Variants in GRIK5 observed in about 807,000 individuals in gnomAD.
GRIK5 encodes glutamate ionotropic receptor kainate type subunit 5.
A neutral mutation model predicts 97.4 loss-of-function variants in GRIK5; 43 were observed. The observed-to-expected ratio is 0.44, with a 90% CI of 0.35 to 0.57. The LOEUF is 0.57. Among genes scored for constraint, GRIK5 ranks in the 20% least tolerant of loss-of-function variants. The probability of loss-of-function intolerance (pLI) is 0.01; values close to 1 mark genes in which losing one functional copy is unlikely to be tolerated. For missense variants in GRIK5, 1,015 were observed against 1,382.0 expected (o/e 0.73, Z 4.21); for synonymous variants, 580 against 583.5 (o/e 0.99, Z 0.09).
chr19:42,059,456 C>A lies in GRIK5; in HGVS notation c.580G>T (p.Asp194Tyr), dbSNP rs1303043714. 4 of 1,613,968 alleles carry A rather than the reference C, an allele frequency of 2.5e-6. No homozygotes were observed. The highest frequency in any genetic ancestry group is 2.5e-6 in the Non-Finnish European group (3 of 1,179,966). The change falls in exon 6 of 20, where the codon GAC becomes TAC. Residue 194 changes from aspartate (D) to tyrosine (Y), a missense_variant. Around this residue, in one of 5 missense-constraint regions of GRIK5, gnomAD observed 477 missense variants for 701.1 expected, o/e 0.68. Coordinates refer to ENST00000593562, the MANE Select transcript of GRIK5 (RefSeq NM_002088.5). ...SKETLSVRML[D>Y]DSRDPTPLLK... ...AGTGGTGTGGGGTCCCGGCTGTCGT[C>A]CAACATCCTCACTGACAGCGTCTCC...
At chr19:42,025,386 G>A (rs2075758392) in intron 12 of GRIK5, among the ~76,000 whole-genome samples, 1 of 152,134 alleles carries the variant, frequency 6.6e-6, no homozygotes, top group Non-Finnish European at 1.5e-5. Context: ...CTCCATGGCT[G>A]GGGGTGTCTG....
rs765637560 is a variant in GRIK5, at chr19:42,042,539, A to G, written c.1473+13T>C. On this transcript the variant is annotated intron_variant, in intron 12 of 19. Transcript: ENST00000593562. This position sits in a 1 kb window ranked among gnomAD's most constrained non-coding sequence, Gnocchi z 6.9. ...GGGTCCATGCATCTTTCCCGGCCCCAGTCCAGCCATACCCGGTTGATGAGC... is the reference window on the plus strand; with the variant it reads ...GGGTCCATGCATCTTTCCCGGCCCCGGTCCAGCCATACCCGGTTGATGAGC... 4.4e-5 allele frequency: 70 copies of G among 1,598,660 alleles called. No individual in the cohort carries two copies. Among genetic ancestry groups the G allele is most frequent in the Non-Finnish European group, 5.9e-5 (69 of 1,172,840 alleles).
intron 12 of GRIK5, among the ~76,000 whole-genome samples, chr19:42,028,977 TC>T (rs2075805112): frequency 6.6e-6 from 1 of 152,152 alleles, no homozygotes; most frequent in African/African-American, 2.4e-5. Flanking sequence ...ATGTCTATAA[TC>T]TCAGCACTTT....
intron 12 of GRIK5, among the ~76,000 whole-genome samples, chr19:42,032,899 C>T (rs985248122): frequency 6.6e-6 from 1 of 152,206 alleles, no homozygotes; most frequent in Non-Finnish European, 1.5e-5. Context: ...CCTAAATGGA[C>T]CATTCAGTTT....
chr19:42,023,222 G>A (rs1165338878), intron 12 of GRIK5, among the ~76,000 whole-genome samples: 2 of 151,940 alleles, frequency 1.3e-5, no homozygotes, highest in South Asian at 2.1e-4. Flanking sequence ...AGCCGGGTAC[G>A]GGAGAGATGG....
intron 12 of GRIK5, among the ~76,000 whole-genome samples, chr19:42,024,738 G>A (rs1021407069): frequency 6.6e-6 from 1 of 152,026 alleles, no homozygotes; most frequent in Admixed American, 6.5e-5. Context: ...TGGGCCACTC[G>A]CCACCCCTCT....
chr19:42,041,138 G>A (rs914879389), intron 12 of GRIK5, among the ~76,000 whole-genome samples: 19 of 152,176 alleles, frequency 1.2e-4, no homozygotes, highest in African/African-American at 3.6e-4. Flanking sequence ...AGGGATAAAC[G>A]TCCTTGTCAA....
chr19:42,022,467 A>C lies in GRIK5; in HGVS notation c.1474-113T>G, dbSNP rs2075712217. On this transcript the variant is annotated intron_variant, in intron 12 of 19. Coordinates refer to ENST00000593562, the MANE Select transcript of GRIK5 (RefSeq NM_002088.5). This position sits in a 1 kb window ranked among gnomAD's most constrained non-coding sequence, Gnocchi z 4.2. ...CAACTGAGGGAGGCGAGAGAGAGAGAGGTAGGGAGGGGGAGGGGCCAGGAG... is the reference window on the plus strand; with the variant it reads ...CAACTGAGGGAGGCGAGAGAGAGAGCGGTAGGGAGGGGGAGGGGCCAGGAG... 6.4e-6 allele frequency: 9 copies of C among 1,402,940 alleles called. No homozygotes were observed. The highest frequency in any genetic ancestry group is 1.4e-5 in the South Asian group (1 of 72,656). The allele number at this position is 1,402,940 out of a possible 1,614,324, so 86.9% of individuals were successfully genotyped here.
chr19:42,065,535 C>G lies in GRIK5; in HGVS notation c.80-148G>C. On this transcript the variant is annotated intron_variant, in intron 2 of 19. Coordinates refer to ENST00000593562, the MANE Select transcript of GRIK5 (RefSeq NM_002088.5). The surrounding 1 kb of genome is among the most constrained non-coding windows in gnomAD (Gnocchi z 5.8). ...TCTGAGGTTGGTGGGAGCTAGGGGT[C>G]TGGACTCCTGGGTCCTGGGGGAAGG... 1 of 976,612 alleles carries G rather than the reference C, an allele frequency of 1.0e-6. No individual in the cohort carries two copies. The highest frequency in any genetic ancestry group is 1.5e-6 in the Non-Finnish European group (1 of 667,012). 60.5% of individuals were successfully genotyped at this position (976,612 alleles called of 1,614,324 possible).
At chr19:42,011,711 C>T (rs1043925651) in intron 15 of GRIK5, among the ~76,000 whole-genome samples, 1 of 151,864 alleles carries the variant, frequency 6.6e-6, no homozygotes, top group African/African-American at 2.4e-5. Flanking sequence ...CAGTGGCTCA[C>T]GCTGTAATTC....
Position 42,021,321 on chromosome 19 carries a change from C to T in GRIK5, c.1851G>A (p.Thr617=), listed in dbSNP as rs183892555. 2.5e-5 allele frequency: 40 copies of T among 1,612,996 alleles called. No homozygotes were observed. The highest frequency in any genetic ancestry group is 1.8e-4 in the Middle Eastern group (1 of 5,470). The change falls in exon 15 of 20, where the codon ACG becomes ACA. Residue 617 remains threonine, a synonymous_variant. Coordinates refer to ENST00000593562, the MANE Select transcript of GRIK5 (RefSeq NM_002088.5). This position sits in a 1 kb window ranked among gnomAD's most constrained non-coding sequence, Gnocchi z 4.2. ...GSEIMPRALS[T]RCVSGVWWAF... is the part of the protein sequence containing the mutation. Reference sequence around the variant, plus strand: ...CTCACCAGACTCCGCTGACACAGCGCGTGGACAGCGCCCGGGGCATGATCT... The same window carrying T: ...CTCACCAGACTCCGCTGACACAGCGTGTGGACAGCGCCCGGGGCATGATCT...
chr19:42,068,046 G>A (rs758890528), intron 1 of GRIK5, among the ~76,000 whole-genome samples: 34 of 152,284 alleles, frequency 2.2e-4, no homozygotes, highest in Admixed American at 5.2e-4. Flanking sequence ...CTTGGGAGAA[G>A]GAAAGAAATG....
intron 19 of GRIK5, among the ~76,000 whole-genome samples, chr19:42,001,601 G>T (rs969320976): frequency 3.9e-5 from 6 of 152,162 alleles, no homozygotes; most frequent in Non-Finnish European, 5.9e-5. Flanking sequence ...ATCCCATGGG[G>T]ACATTTGGGA....
chr19:42,066,014 G>C (rs886121331), intron 1 of GRIK5, among the ~76,000 whole-genome samples, 194 bp from the exon 2 acceptor site: 1 of 152,156 alleles, frequency 6.6e-6, no homozygotes, highest in Non-Finnish European at 1.5e-5. Context: ...TCAGCTCAGA[G>C]GGGCACTACC....
chr19:42,029,259 C>T (rs1397166397), intron 12 of GRIK5, among the ~76,000 whole-genome samples: 5 of 150,078 alleles, frequency 3.3e-5, no homozygotes, highest in Admixed American at 6.6e-5. Context: ...GTAGAGACGG[C>T]GTTTCACCAT....
chr19:42,065,109 G>C lies in GRIK5; in HGVS notation c.244+114C>G, dbSNP rs1266964638. The C allele has an allele frequency of 1.4e-5, 12 of 883,252 alleles. No homozygotes were observed. The highest frequency in any genetic ancestry group is 2.1e-5 in the Non-Finnish European group (12 of 578,832). The allele number at this position is 883,252 out of a possible 1,614,324, so 54.7% of individuals were successfully genotyped here. A position where few individuals can be genotyped will look rare whatever the true frequency, so the allele number is the denominator to read the frequency against. The stretch of plus-strand genomic sequence containing the variant: ...GAAGGCAGAGACAAACACAAAGAAG[G>C]GGGAGGATGGAGCTAGAAGAGGACA... On this transcript the variant is annotated intron_variant, in intron 3 of 19. Transcript: ENST00000593562. This position sits in a 1 kb window ranked among gnomAD's most constrained non-coding sequence, Gnocchi z 5.8.
chr19:42,007,321 C>T (rs1160238308), intron 15 of GRIK5, among the ~76,000 whole-genome samples: 3 of 151,924 alleles, frequency 2.0e-5, no homozygotes, highest in African/African-American at 7.3e-5. Flanking sequence ...TCTCGAACTC[C>T]TGACCTCAGG....
intron 15 of GRIK5, among the ~76,000 whole-genome samples, chr19:42,020,500 A>T (rs2075683494): frequency 6.6e-6 from 1 of 152,172 alleles, no homozygotes; most frequent in South Asian, 2.1e-4. Flanking sequence ...CTTGAATAGG[A>T]GCTGGGTAAA....
intron 15 of GRIK5, among the ~76,000 whole-genome samples, chr19:42,016,209 C>G (rs1270742354): frequency 1.3e-5 from 2 of 152,122 alleles, no homozygotes; most frequent in African/African-American, 4.8e-5. Flanking sequence ...CATCTGAGGT[C>G]AGGAGTTCAA....
Sources: allele counts gnomAD v4.1 joint callset (sites outside exome capture counted in the v4.1 genomes callset), GRCh38; gene constraint gnomAD v4.1.1; regional missense constraint gnomAD v4.1.1; non-coding constraint Gnocchi (gnomAD v3.1); transcripts MANE v1.5; gene names NCBI Gene and HGNC (gene_info 2026-07-23, HGNC 2026-07-21).